The following IL23R variants were observed in gnomAD, a reference collection of about 807,000 sequenced individuals.
IL23R encodes the protein interleukin-23 receptor.
In IL23R, 34 loss-of-function variants were observed where a neutral mutation model predicts 56.9. The observed-to-expected ratio is 0.60, with a 90% CI of 0.45 to 0.80. The LOEUF (loss-of-function observed/expected upper bound fraction) is 0.80. IL23R is among the 30% of genes least tolerant of loss of function. The pLI is 0.00. For synonymous variants in IL23R, 230 were observed against 249.2 expected (o/e 0.92, Z 0.73); for missense variants, 635 against 730.0 (o/e 0.87, Z 1.50).
At chr1:67,234,899 G>A (rs1197726996) in intron 7 of IL23R, among the ~76,000 whole-genome samples, 1 of 151,348 alleles carries the variant, frequency 6.6e-6, no homozygotes, top group South Asian at 2.1e-4. Flanking sequence ...GTAGAGATGG[G>A]GTTTCACCAT....
downstream of IL23R, among the ~76,000 whole-genome samples, chr1:67,263,566 T>G (rs1372732877): frequency 6.6e-6 from 1 of 152,188 alleles, no homozygotes; most frequent in Non-Finnish European, 1.5e-5. Flanking sequence ...ACTATGGCAT[T>G]GAGCAAAAGT....
At chr1:67,263,211 A>G (rs1653267564), downstream of IL23R, among the ~76,000 whole-genome samples, 1 of 139,272 alleles carries the variant, frequency 7.2e-6, no homozygotes, top group African/African-American at 2.7e-5. Context: ...CCCCTATCCC[A>G]GCCTCCTGAG....
chr1:67,234,432 G>A (rs1651322399), intron 7 of IL23R, among the ~76,000 whole-genome samples: 1 of 152,084 alleles, frequency 6.6e-6, no homozygotes, highest in Admixed American at 6.6e-5. Context: ...CCCTGTTAGG[G>A]CTAATAAAAC....
chr1:67,201,188 A>G (rs183288454), intron 5 of IL23R, among the ~76,000 whole-genome samples: 234 of 152,044 alleles, frequency 1.5e-3, no homozygotes, highest in Non-Finnish European at 2.7e-3. Context: ...CGATCACTTG[A>G]GGTCAGGATT....
chr1:67,208,278 G>C (rs903924465), intron 6 of IL23R, among the ~76,000 whole-genome samples: 5 of 152,208 alleles, frequency 3.3e-5, no homozygotes, highest in African/African-American at 1.2e-4. Context: ...CATTCTGGGG[G>C]GGAGAAATTC....
At chr1:67,256,579 A>G (rs113505840) in intron 10 of IL23R, among the ~76,000 whole-genome samples, 16 of 152,180 alleles carry the variant, frequency 1.1e-4, no homozygotes, top group Non-Finnish European at 2.4e-4. Context: ...AACCCAGTCC[A>G]AGGGACAAAC....
At chr1:67,197,817 T>C (rs1471614397) in intron 4 of IL23R, among the ~76,000 whole-genome samples, 1 of 152,070 alleles carries the variant, frequency 6.6e-6, no homozygotes, top group South Asian at 2.1e-4. Flanking sequence ...ATGCCTGTAG[T>C]CCCAGCTACT....
intron 7 of IL23R, among the ~76,000 whole-genome samples, chr1:67,234,633 C>T (rs1039059150): frequency 6.6e-6 from 1 of 151,138 alleles, no homozygotes; most frequent in Non-Finnish European, 1.5e-5. Context: ...AAAAATACTA[C>T]AGCAGCATAT....
chr1:67,213,716 C>A (rs77540732), intron 6 of IL23R, among the ~76,000 whole-genome samples: 3,571 of 152,258 alleles, frequency 0.023, 143 homozygotes, highest in African/African-American at 0.083. Context: ...CTATACCACC[C>A]AGGTTTGTGT....
intron 6 of IL23R, among the ~76,000 whole-genome samples, chr1:67,216,393 A>T (rs965014540): frequency 1.3e-5 from 2 of 152,150 alleles, no homozygotes; most frequent in Non-Finnish European, 2.9e-5. Flanking sequence ...AGGCAGGGAA[A>T]TCTCAGCTAT....
At chr1:67,249,817 C>G (rs1310335156) in intron 9 of IL23R, among the ~76,000 whole-genome samples, 1 of 152,050 alleles carries the variant, frequency 6.6e-6, no homozygotes, top group Non-Finnish European at 1.5e-5. Flanking sequence ...TAATGCTTAA[C>G]CAGTTTGACC....
chr1:67,222,390 T>C (rs533178444), intron 7 of IL23R, among the ~76,000 whole-genome samples: 137 of 152,338 alleles, frequency 9.0e-4, no homozygotes, highest in Admixed American at 1.9e-3. Context: ...GTGCTGGGAT[T>C]ACAGGCGTGA....
At chr1:67,169,238 T>C (rs1570774735) in intron 2 of IL23R, 104 bp from the exon 3 acceptor site, 1 of 879,124 alleles carries the variant, frequency 1.1e-6, no homozygotes, top group South Asian at 1.6e-5. Flanking sequence ...AATGGAATCA[T>C]TTAGTTAATA....
intron 7 of IL23R, among the ~76,000 whole-genome samples, chr1:67,236,454 G>A (rs766715592): frequency 1.1e-4 from 16 of 152,182 alleles, no homozygotes; most frequent in Non-Finnish European, 2.1e-4. Context: ...GAAATTAGTG[G>A]ACACACCTTG....
upstream of IL23R, among the ~76,000 whole-genome samples, chr1:67,164,394 A>G (rs142114235): frequency 0.077 from 11,705 of 152,218 alleles, 604 homozygotes; most frequent in Non-Finnish European, 0.11. Context: ...GCACTTTGGG[A>G]GGCCAAGGCA....
intron 5 of IL23R, among the ~76,000 whole-genome samples, chr1:67,203,840 T>C (rs1648805334): frequency 6.6e-6 from 1 of 152,110 alleles, no homozygotes; most frequent in Non-Finnish European, 1.5e-5. Context: ...ACATTAACAC[T>C]TGCCAAAAAA....
intron 9 of IL23R, among the ~76,000 whole-genome samples, chr1:67,247,304 T>C (rs900782701): frequency 4.0e-5 from 6 of 151,520 alleles, no homozygotes; most frequent in Non-Finnish European, 8.9e-5. Context: ...TTAGCCCATT[T>C]ACTTTTTTTT....
At position 67,200,885 on chromosome 1, in the gene IL23R, C is replaced by T. The variant is rs1648579360; in HGVS notation, c.640C>T (p.Leu214=). ...MEESKQLQIH[L]DDIVIPSAAV... Reference sequence around the variant, plus strand: ...AGAGTCAAAACAACTGCAAATTCACCTGGATGATATAGGTAAAGAATAAGA... The same window carrying T: ...AGAGTCAAAACAACTGCAAATTCACTTGGATGATATAGGTAAAGAATAAGA... The change falls in exon 5 of 11, where the codon CTG becomes TTG. Residue 214 remains leucine (L), a synonymous_variant. Coordinates refer to ENST00000347310, the MANE Select transcript of IL23R (RefSeq NM_144701.3). 3 of 1,613,954 alleles carry T rather than the reference C, an allele frequency of 1.9e-6. No individual in the cohort carries two copies. The highest frequency in any genetic ancestry group is 1.3e-5 in the African/African-American group (1 of 74,888).
chr1:67,167,943 C>A, intron 1 of IL23R, 149 bp from the exon 2 acceptor site: 5 of 572,846 alleles, frequency 8.7e-6, no homozygotes, highest in African/African-American at 1.9e-5. Context: ...TGCTCTGTTT[C>A]CTTCCTTCCT....
Sources: allele counts gnomAD v4.1 joint callset (sites outside exome capture counted in the v4.1 genomes callset), GRCh38; gene constraint gnomAD v4.1.1; transcripts MANE v1.5; gene names NCBI Gene and HGNC (gene_info 2026-07-23, HGNC 2026-07-21).